Variants in TFG observed in about 807,000 individuals in gnomAD.
The protein encoded by TFG is trafficking from ER to golgi regulator, also known as protein TFG.
Under a neutral mutation model 51.4 loss-of-function variants are expected in TFG, and 22 were observed. The ratio of observed to expected loss-of-function variants is 0.43; its 90% CI spans 0.31 to 0.61. The LOEUF (loss-of-function observed/expected upper bound fraction) is 0.61. Among genes scored for constraint, TFG ranks in the 20% least tolerant of loss-of-function variants. TFG has a pLI of 0.12. For missense variants in TFG, 419 were observed against 487.7 expected (o/e 0.86, Z 1.33); for synonymous variants, 187 against 165.6 (o/e 1.13, Z -0.99).
At chr3:100,737,090 A>G (rs2095108654) in intron 6 of TFG, among the ~76,000 whole-genome samples, 1 of 151,566 alleles carries the variant, frequency 6.6e-6, no homozygotes, top group Admixed American at 6.6e-5. Context: ...TGATTTTTCT[A>G]ATTTAAAAAA....
chr3:100,730,702 A>T (rs1043053539), intron 4 of TFG, among the ~76,000 whole-genome samples: 2 of 152,162 alleles, frequency 1.3e-5, no homozygotes, highest in Non-Finnish European at 2.9e-5. Flanking sequence ...TCTCTATTAC[A>T]GCGGTTCTTG....
chr3:100,712,614 A>G (rs1474801201), intron 1 of TFG, among the ~76,000 whole-genome samples: 1 of 152,174 alleles, frequency 6.6e-6, no homozygotes, highest in Non-Finnish European at 1.5e-5. Context: ...CCTTTATTTA[A>G]TAGCTGTTGA....
At chr3:100,717,919 T>C (rs545466218) in intron 2 of TFG, among the ~76,000 whole-genome samples, 2 of 152,276 alleles carry the variant, frequency 1.3e-5, no homozygotes, top group South Asian at 4.1e-4. Context: ...ACTGTCTTTT[T>C]TTTATTTTTT....
intron 2 of TFG, among the ~76,000 whole-genome samples, chr3:100,714,988 A>G (rs2095041649): frequency 6.6e-6 from 1 of 152,016 alleles, no homozygotes; most frequent in Admixed American, 6.5e-5. Flanking sequence ...GGTGGTTACC[A>G]GTGTTTTTTA....
At chr3:100,729,049 T>G (rs2095084148) in intron 4 of TFG, among the ~76,000 whole-genome samples, 191 bp downstream of exon 4, 1 of 152,342 alleles carries the variant, frequency 6.6e-6, no homozygotes, top group Admixed American at 6.5e-5. Context: ...GAGGTTTCAT[T>G]ATACCAATTT....
intron 2 of TFG, among the ~76,000 whole-genome samples, chr3:100,718,439 C>A (rs889115937): frequency 2.0e-5 from 3 of 151,866 alleles, no homozygotes; most frequent in African/African-American, 7.3e-5. Flanking sequence ...ATTCACAGAC[C>A]TATAACAACA....
chr3:100,716,753 G>T (rs2095047636), intron 2 of TFG, among the ~76,000 whole-genome samples: 2 of 151,998 alleles, frequency 1.3e-5, no homozygotes, highest in African/African-American at 4.8e-5. Context: ...CCTTGTTGTG[G>T]TCTTCATTTT....
rs749073068 is a variant in TFG at position 100,732,658 on chromosome 3, A to G, written c.566A>G (p.Asp189Gly). The change falls in exon 5 of 8, where the codon GAT (aspartate) becomes GGT (glycine). Residue 189 changes from aspartate (D) to glycine (G), a missense_variant. By Grantham distance (94) the Asp-to-Gly change is moderately conservative. Transcript: ENST00000240851. ...KNVMSAFGLT[D>G]DQVSGPPSAP... is the part of the protein sequence containing the mutation. Reference sequence around the variant, plus strand: ...GTTATGTCAGCGTTTGGCTTAACAGATGATCAGGTTTCAGGTAAGTTGGTT... The same window carrying G: ...GTTATGTCAGCGTTTGGCTTAACAGGTGATCAGGTTTCAGGTAAGTTGGTT... 3 of 1,609,746 alleles carry G rather than the reference A, an allele frequency of 1.9e-6. No individual in the cohort carries two copies. The highest frequency in any genetic ancestry group is 1.7e-6 in the Non-Finnish European group (2 of 1,178,078).
At chr3:100,719,213 G>A (rs543050972) in intron 2 of TFG, among the ~76,000 whole-genome samples, 13 of 152,154 alleles carry the variant, frequency 8.5e-5, no homozygotes, top group Non-Finnish European at 2.9e-5. Context: ...GGCCTCCCCA[G>A]GACAGAACTC....
intron 2 of TFG, 128 bp downstream of exon 2, chr3:100,713,997 C>T (rs2095038431): frequency 4.0e-6 from 2 of 498,092 alleles, no homozygotes; most frequent in East Asian, 6.9e-5. Context: ...AACTCCTGGG[C>T]TCAAGCAATC....
At chr3:100,728,960 C>G (rs1053699529) in intron 4 of TFG, 102 bp downstream of exon 4, 7 of 1,045,058 alleles carry the variant, frequency 6.7e-6, no homozygotes, top group Non-Finnish European at 9.6e-6. Flanking sequence ...TCCCCAATGT[C>G]ACTCTTGTTT....
At chr3:100,729,006 T>C in intron 4 of TFG, 148 bp downstream of exon 4, 1 of 658,234 alleles carries the variant, frequency 1.5e-6, no homozygotes, top group Non-Finnish European at 2.4e-6. Flanking sequence ...TATGTCTGTG[T>C]TCCTAAACTT....
rs375422548 is a variant in TFG, at chr3:100,732,605, A to G, written c.513A>G (p.Leu171=). 1.1e-5 allele frequency: 18 copies of G among 1,612,304 alleles called. No homozygotes were observed. The highest frequency in any genetic ancestry group is 1.5e-5 in the Non-Finnish European group (18 of 1,179,156). ...CAAGTATGTCTGCTTTTGATCCTTT[A>G]AAAAACCAAGATGAAATCAATAAAA... ...MAASMSAFDP[L]KNQDEINKNV... The change falls in exon 5 of 8, where the codon TTA becomes TTG. Residue 171 remains leucine, a synonymous_variant. Coordinates refer to ENST00000240851, the MANE Select transcript of TFG (RefSeq NM_006070.6).
chr3:100,715,852 A>T (rs1304600835), intron 2 of TFG, among the ~76,000 whole-genome samples: 2 of 151,942 alleles, frequency 1.3e-5, no homozygotes, highest in Non-Finnish European at 2.9e-5. Context: ...TCCCAAAGGC[A>T]TAAGCCACCA....
intron 3 of TFG, among the ~76,000 whole-genome samples, chr3:100,721,968 C>T (rs1013229709): frequency 3.3e-5 from 5 of 152,188 alleles, no homozygotes; most frequent in African/African-American, 7.2e-5. Context: ...CTGAGCAACA[C>T]GGTAAAACCC....
At position 100,747,957 on chromosome 3, in the gene TFG, A is replaced by G. The variant is rs1409929710; in HGVS notation, c.821-192A>G. On this transcript the variant is annotated intron_variant, in intron 7 of 7. Coordinates refer to ENST00000240851, the MANE Select transcript of TFG (RefSeq NM_006070.6). ...GGATTATGTCTTAGAGAGTTTAAAA[A>G]ATTGTAGAGAATGCCTCTTTGATAA... 2.0e-5 allele frequency among the ~76,000 whole-genome samples: 3 copies of G among 152,284 alleles called. No individual in the cohort carries two copies. The East Asian group carries it at 5.8e-4, about 29-fold the overall frequency.
At chr3:100,711,912 A>G (rs1220253169) in intron 1 of TFG, among the ~76,000 whole-genome samples, 1 of 152,174 alleles carries the variant, frequency 6.6e-6, no homozygotes, top group Non-Finnish European at 1.5e-5. Flanking sequence ...TGCAGAAGGC[A>G]TTGCAGAAGG....
chr3:100,725,579 C>T (rs1352249360), intron 3 of TFG, among the ~76,000 whole-genome samples: 1 of 146,238 alleles, frequency 6.8e-6, no homozygotes, highest in Non-Finnish European at 1.5e-5. Flanking sequence ...GAGTTCGAGA[C>T]CAGCCTGGCC....
chr3:100,736,548 C>T (rs1259464510), intron 5 of TFG, 28 bp from the exon 6 acceptor site: 1 of 1,611,644 alleles, frequency 6.2e-7, no homozygotes, highest in Non-Finnish European at 8.5e-7. Context: ...GTGTTGGATA[C>T]TAAACTGACT....
Sources: allele counts gnomAD v4.1 joint callset (sites outside exome capture counted in the v4.1 genomes callset), GRCh38; gene constraint gnomAD v4.1.1; transcripts MANE v1.5; gene names NCBI Gene and HGNC (gene_info 2026-07-23, HGNC 2026-07-21).